VLDLR: variants seen among roughly 807,000 people sequenced by gnomAD.
VLDLR encodes very low density lipoprotein receptor, also known as very low-density lipoprotein receptor.
VLDLR carries 81 observed loss-of-function variants against 112.7 expected under a neutral mutation model. The ratio of observed to expected loss-of-function variants is 0.72; its 90% confidence interval spans 0.60 to 0.86. The LOEUF is 0.86. VLDLR is among the 40% of genes least tolerant of loss of function. VLDLR has a pLI of 0.00. For synonymous variants in VLDLR, 436 were observed against 384.8 expected (o/e 1.13, Z -1.56); for missense variants, 1,237 against 1,099.4 (o/e 1.13, Z -1.77).
At chr9:2,653,205 A>G (rs532696596) in intron 18 of VLDLR, among the ~76,000 whole-genome samples, 1 of 152,242 alleles carries the variant, frequency 6.6e-6, no homozygotes. Flanking sequence ...TAGAAATGAC[A>G]TGTAAATACT....
chr9:2,624,928 C>A (rs1053369008), intron 1 of VLDLR, among the ~76,000 whole-genome samples: 1 of 152,186 alleles, frequency 6.6e-6, no homozygotes, highest in Non-Finnish European at 1.5e-5. Context: ...TGGCATTTAC[C>A]TATAGTGCCT....
chr9:2,651,445 C>G lies in VLDLR; in HGVS notation c.2282C>G (p.Thr761Arg). 1 of 1,613,972 alleles carries G rather than the reference C, an allele frequency of 6.2e-7. No individual in the cohort carries two copies. The highest frequency in any genetic ancestry group is 8.5e-7 in the Non-Finnish European group (1 of 1,179,966). The change falls in exon 16 of 19, where the codon ACA (threonine) becomes AGA (arginine). Residue 761 changes from threonine to arginine, a missense_variant. By Grantham distance (71) the Thr-to-Arg change is moderately conservative. Coordinates refer to ENST00000382100, the MANE Select transcript of VLDLR (RefSeq NM_003383.5). ...STATTVTYSE[T>R]KDTNTTEISA... ...GCAACTACTGTGACTTACAGTGAGA[C>G]AAAAGATACGAACACAACAGAAATT... is the stretch of plus-strand genomic sequence containing the variant.
chr9:2,622,301 G>A, intron 1 of VLDLR, 30 bp downstream of exon 1: 1 of 1,446,602 alleles, frequency 6.9e-7, no homozygotes, highest in Non-Finnish European at 9.1e-7. Context: ...TCCGCCGGCG[G>A]GCGGGACCCA....
In VLDLR at chr9:2,659,947, C is replaced by T. The variant is rs1329076753; in HGVS notation, c.*6079C>T. On this transcript the variant is annotated 3_prime_UTR_variant, in exon 19 of 19. Transcript: ENST00000382100. The stretch of plus-strand genomic sequence containing the variant: ...ACAACCAAATTATCATGCTCAGGAT[C>T]TTCAGAATTCTAAAGGCACATGTTA... 1.3e-5 allele frequency: 2 copies of T among 152,190 alleles called. No homozygotes were observed. Among genetic ancestry groups the T allele is most frequent in the African/African-American group, 4.8e-5 (2 of 41,450 alleles). 9.4% of individuals were successfully genotyped at this position (152,190 alleles called of 1,614,324 possible). A position where few individuals can be genotyped will look rare whatever the true frequency, so the allele number is the denominator to read the frequency against.
chr9:2,655,202 G>A lies in VLDLR; in HGVS notation c.*1334G>A, dbSNP rs2130816226. ...CAATATCACCTAAATTTTTATCCTG[G>A]CTGGGATGGGGCAGATTCTTACTAT... On this transcript the variant is annotated 3_prime_UTR_variant, in exon 19 of 19. Coordinates refer to ENST00000382100, the MANE Select transcript of VLDLR (RefSeq NM_003383.5). 6.6e-6 allele frequency: 1 copy of A among 152,280 alleles called. No homozygotes were observed. The highest frequency in any genetic ancestry group is 1.9e-4 in the East Asian group (1 of 5,182). 9.4% of individuals were successfully genotyped at this position (152,280 alleles called of 1,614,324 possible).
At chr9:2,644,309 C>A (rs1250863754) in intron 7 of VLDLR, among the ~76,000 whole-genome samples, 2 of 147,926 alleles carry the variant, frequency 1.4e-5, no homozygotes, top group African/African-American at 5.0e-5. Context: ...TAGGCGCCCA[C>A]CACCACGCCC....
intron 1 of VLDLR, among the ~76,000 whole-genome samples, chr9:2,625,353 A>C (rs34874312): frequency 9.5e-4 from 144 of 152,372 alleles, no homozygotes; most frequent in African/African-American, 3.3e-3. Context: ...AAGACTTGGC[A>C]CACAGCATAG....
intron 1 of VLDLR, among the ~76,000 whole-genome samples, chr9:2,622,993 C>A (rs1816901669): frequency 6.6e-6 from 1 of 152,232 alleles, no homozygotes; most frequent in Non-Finnish European, 1.5e-5. Context: ...CTCGGGTCTC[C>A]CGTGTAGCTG....
At position 2,622,204 on chromosome 9, in the gene VLDLR, G is replaced by A. The variant is rs760735837; in HGVS notation, c.15G>A (p.Ala5=). 8 of 1,499,970 alleles carry A rather than the reference G, an allele frequency of 5.3e-6. No homozygotes were observed. The African/African-American group carries it at 8.7e-5, about 16-fold the overall frequency. 92.9% of individuals were successfully genotyped at this position (1,499,970 alleles called of 1,614,324 possible). ...AGGCGGGCACCATGGGCACGTCCGCGCTCTGGGCGCTCTGGCTGCTGCTCG... is the reference window on the plus strand; with the variant it reads ...AGGCGGGCACCATGGGCACGTCCGCACTCTGGGCGCTCTGGCTGCTGCTCG... MGTS[A]LWALWLLLAL... The change falls in exon 1 of 19, where the codon GCG becomes GCA. Residue 5 remains alanine (A), a synonymous_variant. Transcript: ENST00000382100.
chr9:2,621,839 C>G lies in VLDLR; in HGVS notation c.-351C>G, dbSNP rs1041594426. 1.9e-6 allele frequency: 1 copy of G among 535,294 alleles called. No homozygotes were observed. The highest frequency in any genetic ancestry group is 3.6e-6 in the Non-Finnish European group (1 of 281,460). 33.2% of individuals were successfully genotyped at this position (535,294 alleles called of 1,614,324 possible). A position where few individuals can be genotyped will look rare whatever the true frequency, so the allele number is the denominator to read the frequency against. ...GGGTGCTCCGCTACCGGCTCCTCTC[C>G]GTTCTGTGCTCTCTTCTGCTCTCGG... On this transcript the variant is annotated 5_prime_UTR_variant, in exon 1 of 19. Coordinates refer to ENST00000382100, the MANE Select transcript of VLDLR (RefSeq NM_003383.5).
chr9:2,640,110 C>T (rs761626026), intron 3 of VLDLR, 129 bp downstream of exon 3: 2 of 1,439,796 alleles, frequency 1.4e-6, no homozygotes, highest in East Asian at 4.6e-5. Flanking sequence ...TCAATTGACT[C>T]CAAGGGCAGT....
chr9:2,624,607 A>G (rs1817003856), intron 1 of VLDLR, among the ~76,000 whole-genome samples: 2 of 152,226 alleles, frequency 1.3e-5, no homozygotes, highest in South Asian at 2.1e-4. Flanking sequence ...TTTGAGAGCT[A>G]TTCATATATG....
At chr9:2,631,573 A>G (rs1817351665) in intron 1 of VLDLR, among the ~76,000 whole-genome samples, 1 of 152,216 alleles carries the variant, frequency 6.6e-6, no homozygotes, top group Non-Finnish European at 1.5e-5. Context: ...CAGCAGGACA[A>G]ATATCTTATG....
chr9:2,657,476 C>CCT lies in VLDLR; in HGVS notation c.*3609_*3610dup, dbSNP rs1263341403. ...TCAAAAGGGTCTGATACATCAAACTCCTAACAAGTAGGAGCAGCAACTAGC... is the reference window on the plus strand; with the variant it reads ...TCAAAAGGGTCTGATACATCAAACTCCTCTAACAAGTAGGAGCAGCAACTAGC... On this transcript the variant is annotated 3_prime_UTR_variant, in exon 19 of 19. Transcript: ENST00000382100. 2 of 152,198 alleles carry CCT rather than the reference C, an allele frequency of 1.3e-5. No individual in the cohort carries two copies. The highest frequency in any genetic ancestry group is 1.3e-4 in the Admixed American group (2 of 15,278). 9.4% of individuals were successfully genotyped at this position (152,198 alleles called of 1,614,324 possible).
chr9:2,638,618 G>T (rs1028842601), intron 2 of VLDLR, among the ~76,000 whole-genome samples: 1 of 152,158 alleles, frequency 6.6e-6, no homozygotes, highest in African/African-American at 2.4e-5. Flanking sequence ...TCATGGGTAG[G>T]ATAATCAAGC....
At position 2,654,686 on chromosome 9, in the gene VLDLR, G is replaced by A. The variant is rs1435215780; in HGVS notation, c.*818G>A. 1 of 152,182 alleles carries A rather than the reference G, an allele frequency of 6.6e-6. No homozygotes were observed. Among genetic ancestry groups the A allele is most frequent in the Non-Finnish European group, 1.5e-5 (1 of 68,040 alleles). 9.4% of individuals were successfully genotyped at this position (152,182 alleles called of 1,614,324 possible). Reference sequence around the variant, plus strand: ...ATTTCTTACTGTGTAAAAGAAGCTAGCTTAGTCTGTACCTAGAATTCCTCT... The same window carrying A: ...ATTTCTTACTGTGTAAAAGAAGCTAACTTAGTCTGTACCTAGAATTCCTCT... On this transcript the variant is annotated 3_prime_UTR_variant, in exon 19 of 19. Coordinates refer to ENST00000382100, the MANE Select transcript of VLDLR (RefSeq NM_003383.5).
chr9:2,621,788 C>G lies in VLDLR; in HGVS notation c.-402C>G, dbSNP rs1816785705. On this transcript the variant is annotated 5_prime_UTR_variant, in exon 1 of 19. Coordinates refer to ENST00000382100, the MANE Select transcript of VLDLR (RefSeq NM_003383.5). ...CCTCCGGCCCCCTCCCCGCTGCTCA[C>G]CCCGCTCTCCGGCCGCCGCCGGTGC... The G allele has an allele frequency of 1.9e-5, 9 of 480,680 alleles. No homozygotes were observed. Among genetic ancestry groups the G allele is most frequent in the South Asian group, 1.4e-4 (9 of 62,702 alleles). The allele number at this position is 480,680 out of a possible 1,614,324, so 29.8% of individuals were successfully genotyped here. A position where few individuals can be genotyped will look rare whatever the true frequency, so the allele number is the denominator to read the frequency against.
chr9:2,640,369 G>A (rs1356818945), intron 3 of VLDLR, among the ~76,000 whole-genome samples: 1 of 152,196 alleles, frequency 6.6e-6, no homozygotes, highest in Non-Finnish European at 1.5e-5. Context: ...GCTTTTAGAA[G>A]CACAGCTTAT....
intron 12 of VLDLR, 58 bp from the exon 13 acceptor site, chr9:2,648,150 T>C: frequency 6.2e-7 from 1 of 1,608,084 alleles, no homozygotes; most frequent in Non-Finnish European, 8.5e-7. Flanking sequence ...TAGATATTTT[T>C]AATGGAAGCC....
Sources: allele counts gnomAD v4.1 joint callset (sites outside exome capture counted in the v4.1 genomes callset), GRCh38; gene constraint gnomAD v4.1.1; transcripts MANE v1.5; gene names NCBI Gene and HGNC (gene_info 2026-07-23, HGNC 2026-07-21).